The following SOX5 variants were observed in gnomAD, a reference collection of about 807,000 sequenced individuals.
SOX5 encodes SRY-box transcription factor 5.
SOX5 carries 9 observed loss-of-function variants against 92.0 expected under a neutral mutation model. That is an observed-to-expected ratio of 0.10 (90% CI 0.06 to 0.17). SOX5 has a LOEUF of 0.17. SOX5 is among the 10% of genes least tolerant of loss of function. SOX5 has a pLI of 1.00. For missense variants in SOX5, 642 were observed against 944.5 expected, an observed-to-expected ratio of 0.68 and a Z score of 4.20; for synonymous variants, 344 against 336.3, an observed-to-expected ratio of 1.02 and a Z score of -0.25.
intron 3 of SOX5, among the ~76,000 whole-genome samples, chr12:23,803,058 G>A (rs756033702): frequency 1.3e-5 from 2 of 151,824 alleles, no homozygotes; most frequent in Admixed American, 6.6e-5. Flanking sequence ...CTCTTCCTCC[G>A]AATGTGCCAG....
intron 10 of SOX5, among the ~76,000 whole-genome samples, chr12:23,573,913 A>G (rs1948742879): frequency 6.6e-6 from 1 of 152,102 alleles, no homozygotes; most frequent in Non-Finnish European, 1.5e-5. Flanking sequence ...AATAAATAAT[A>G]ATAAATGAGA....
intron 4 of SOX5, among the ~76,000 whole-genome samples, chr12:24,118,227 A>C (rs1948264083): frequency 1.3e-5 from 2 of 152,046 alleles, no homozygotes; most frequent in African/African-American, 4.8e-5. Flanking sequence ...TATATTTCCA[A>C]ATTGCTAAAA....
At chr12:23,833,720 T>A (rs1193008320) in intron 3 of SOX5, among the ~76,000 whole-genome samples, 1 of 151,534 alleles carries the variant, frequency 6.6e-6, no homozygotes, top group African/African-American at 2.4e-5. Flanking sequence ...CAGAAAAAAA[T>A]GAAAAGAAAT....
chr12:23,946,141 GT>G (rs1297943110), intron 1 of SOX5, among the ~76,000 whole-genome samples: 1 of 152,064 alleles, frequency 6.6e-6, no homozygotes, highest in Non-Finnish European at 1.5e-5. Context: ...ATTGCAGAAG[GT>G]TTTACTATTG....
intron 3 of SOX5, among the ~76,000 whole-genome samples, chr12:24,259,298 C>T (rs964135030): frequency 1.2e-4 from 18 of 152,100 alleles, no homozygotes; most frequent in Admixed American, 1.0e-3. Context: ...TATTCTCAGG[C>T]ACTGTTATCG....
At chr12:24,135,043 A>C (rs1387744915) in intron 4 of SOX5, among the ~76,000 whole-genome samples, 3 of 152,208 alleles carry the variant, frequency 2.0e-5, no homozygotes, top group Admixed American at 2.0e-4. Flanking sequence ...CAAACAAAAC[A>C]AACTAACAAA....
chr12:23,573,297 T>G (rs1222478359), intron 10 of SOX5, among the ~76,000 whole-genome samples: 1 of 152,158 alleles, frequency 6.6e-6, no homozygotes, highest in East Asian at 1.9e-4. Flanking sequence ...CAAATTAACT[T>G]TATTTCTTCA....
intron 4 of SOX5, among the ~76,000 whole-genome samples, chr12:24,164,937 A>AT (rs1022579124): frequency 5.9e-5 from 9 of 152,042 alleles, no homozygotes; most frequent in African/African-American, 2.2e-4. Context: ...AAAGTAATAT[A>AT]TTTTTTAAAA....
chr12:24,216,385 G>A (rs1959170303), intron 3 of SOX5, among the ~76,000 whole-genome samples: 1 of 152,202 alleles, frequency 6.6e-6, no homozygotes, highest in Non-Finnish European at 1.5e-5. Flanking sequence ...TCCGGAGGCT[G>A]GGGCAGGAGA....
intron 6 of SOX5, among the ~76,000 whole-genome samples, chr12:23,668,829 CT>C (rs1469077843): frequency 3.3e-5 from 5 of 152,094 alleles, no homozygotes; most frequent in African/African-American, 9.7e-5. Flanking sequence ...ATGTGTCTAC[CT>C]CAAGATACTA....
At chr12:23,958,223 T>C (rs1412009308) in intron 4 of SOX5, among the ~76,000 whole-genome samples, 1 of 152,080 alleles carries the variant, frequency 6.6e-6, no homozygotes, top group Admixed American at 6.5e-5. Context: ...TTAATCTTAG[T>C]AAACAAATCA....
intron 3 of SOX5, among the ~76,000 whole-genome samples, chr12:23,776,862 G>C (rs935023781): frequency 6.6e-6 from 1 of 152,202 alleles, no homozygotes; most frequent in South Asian, 2.1e-4. Context: ...GTTCCTAACA[G>C]GCCACGGACC....
At chr12:24,139,352 A>G (rs959797368) in intron 4 of SOX5, among the ~76,000 whole-genome samples, 1 of 152,200 alleles carries the variant, frequency 6.6e-6, no homozygotes, top group African/African-American at 2.4e-5. Flanking sequence ...TTACATGATC[A>G]TAACAGTCGT....
intron 6 of SOX5, among the ~76,000 whole-genome samples, chr12:23,710,652 T>G (rs2091959302): frequency 6.6e-6 from 1 of 152,228 alleles, no homozygotes; most frequent in African/African-American, 2.4e-5. Context: ...GTTGGACATT[T>G]GGGTTGGTTC....
intron 1 of SOX5, among the ~76,000 whole-genome samples, chr12:24,540,409 C>A (rs1053607765): frequency 6.6e-6 from 1 of 152,058 alleles, no homozygotes; most frequent in African/African-American, 2.4e-5. Flanking sequence ...ACTTAAAGAT[C>A]AGCCATTATT....
At position 23,702,751 on chromosome 12, in the gene SOX5, AGTGTGT is replaced by A. The variant is rs144961077; in HGVS notation, c.810+31927_810+31932del. 1.9e-4 allele frequency among the ~76,000 whole-genome samples: 29 copies of A among 149,368 alleles called. No homozygotes were observed. The East Asian group carries it at 2.7e-3, about 14-fold the overall frequency. On this transcript the variant is annotated intron_variant, in intron 6 of 14. Transcript: ENST00000451604. ...AAATGAACCAAAAAGAGAAACAGAG[AGTGTGT>A]GTGTGTGTGTGTGTGCACGTACACA...
intron 1 of SOX5, among the ~76,000 whole-genome samples, chr12:24,375,901 C>CT (rs919705932): frequency 4.0e-4 from 61 of 151,362 alleles, no homozygotes; most frequent in East Asian, 5.8e-4. Context: ...TTTAAAAAGT[C>CT]TTTTTTTTTC....
chr12:24,195,280 A>G (rs1056175801), intron 4 of SOX5, among the ~76,000 whole-genome samples: 1 of 152,172 alleles, frequency 6.6e-6, no homozygotes, highest in African/African-American at 2.4e-5. Context: ...AATTTTTCAT[A>G]ATCATCAATT....
chr12:23,745,090 G>A (rs1328637734), intron 4 of SOX5, among the ~76,000 whole-genome samples: 10 of 152,082 alleles, frequency 6.6e-5, no homozygotes, highest in African/African-American at 2.4e-4. Flanking sequence ...ATATTCTGAG[G>A]TTCTAGGCAT....
Sources: gnomAD v4.1 joint callset for allele counts (sites outside exome capture counted in the v4.1 genomes callset) on GRCh38, gnomAD v4.1.1 for gene constraint, MANE v1.5 for transcripts, NCBI Gene and HGNC (gene_info 2026-07-23, HGNC 2026-07-21) for gene names.